Variants in PCDHGC4 observed in about 807,000 individuals in gnomAD.
PCDHGC4 encodes protocadherin gamma subfamily C, 4.
Under a neutral mutation model 59.7 loss-of-function variants are expected in PCDHGC4, and 15 were observed. That is an observed-to-expected ratio of 0.25 (90% confidence interval 0.17 to 0.39). The LOEUF is 0.39. Ranked by LOEUF, PCDHGC4 falls within the 10% of genes least tolerant of loss-of-function variation. PCDHGC4 has a pLI of 1.00. For missense variants in PCDHGC4, 1,016 were observed against 1,189.5 expected, an observed-to-expected ratio of 0.85 and a Z score of 2.15; for synonymous variants, 434 against 481.4, an observed-to-expected ratio of 0.90 and a Z score of 1.29.
chr5:141,489,086 G>A lies in PCDHGC4; in HGVS notation c.2442+1471G>A, dbSNP rs2233599. ...CCCCCCTGCCCACCCCCGCCACTCG[G>A]TGACTAAGAACTGCTGCAAGCAGGC... On this transcript the variant is annotated intron_variant, in intron 1 of 3. Coordinates refer to ENST00000306593, the MANE Select transcript of PCDHGC4 (RefSeq NM_018928.3). The surrounding 1 kb of genome is among the most constrained non-coding windows in gnomAD (Gnocchi z 4.5). 2.2e-3 allele frequency: 754 copies of A among 340,206 alleles called. 5 individuals carry two copies. Among genetic ancestry groups the A allele is most frequent in the African/African-American group, 0.018 (712 of 39,726 alleles). 21.1% of individuals were successfully genotyped at this position (340,206 alleles called of 1,614,324 possible).
intron 2 of PCDHGC4, among the ~76,000 whole-genome samples, chr5:141,503,100 G>A (rs563699751): frequency 6.6e-6 from 1 of 151,592 alleles, no homozygotes; most frequent in South Asian, 2.1e-4. Context: ...TGGTCTGCCC[G>A]CCCCTGCCTC....
chr5:141,511,077 T>C lies in PCDHGC4; in HGVS notation c.2721T>C (p.Asn907=), dbSNP rs1279500774. ...YRQNVYIPGS[N]ATLTNAAGKR... is the part of the protein sequence containing the mutation. ...AGAATGTCTACATCCCAGGCAGCAA[T>C]GCCACACTGACCAACGCAGCTGGCA... is the stretch of plus-strand genomic sequence containing the variant. Residue 907 remains asparagine, a synonymous_variant, in exon 4 of 4, where the codon AAT becomes AAC. Transcript: ENST00000306593. 5 of 1,614,062 alleles carry C rather than the reference T, an allele frequency of 3.1e-6. No individual in the cohort carries two copies. The African/African-American group carries it at 6.7e-5, about 22-fold the overall frequency.
rs1191643556 is a variant in PCDHGC4 at position 141,486,302 on chromosome 5, C to A, written c.1129C>A (p.Pro377Thr). Residue 377 changes from proline (P) to threonine (T), a missense_variant, in exon 1 of 4, where the codon CCA becomes ACA. Transcript: ENST00000306593. The surrounding 1 kb of genome is among the most constrained non-coding windows in gnomAD (Gnocchi z 5.0). ...TVVALISVQD[P>T]DSGSNGDVSL... ...GGTGGCACTTATCAGTGTGCAGGAT[C>A]CAGACTCAGGGTCAAACGGAGATGT... The A allele has an allele frequency of 6.2e-7, 1 of 1,614,036 alleles. No individual in the cohort carries two copies. The highest frequency in any genetic ancestry group is 8.5e-7 in the Non-Finnish European group (1 of 1,179,994).
In PCDHGC4 at chr5:141,487,476, A is replaced by G; in HGVS notation, c.2303A>G (p.His768Arg). ...DPIKFVDVGG[H>R]SHGCTPLASA... is the part of the protein sequence containing the mutation. Reference sequence around the variant, plus strand: ...ATCAAGTTTGTTGATGTGGGAGGCCACTCTCATGGCTGTACACCCTTGGCT... The same window carrying G: ...ATCAAGTTTGTTGATGTGGGAGGCCGCTCTCATGGCTGTACACCCTTGGCT... The change falls in exon 1 of 4, where the codon CAC becomes CGC. Residue 768 changes from histidine to arginine, a missense_variant. By Grantham distance (29) the His-to-Arg change is conservative. Transcript: ENST00000306593. The surrounding 1 kb of genome is among the most constrained non-coding windows in gnomAD (Gnocchi z 5.0). The G allele has an allele frequency of 6.2e-7, 1 of 1,614,004 alleles. No homozygotes were observed. Among genetic ancestry groups the G allele is most frequent in the Non-Finnish European group, 8.5e-7 (1 of 1,180,002 alleles).
chr5:141,497,739 A>G (rs1180122239), intron 2 of PCDHGC4, among the ~76,000 whole-genome samples: 1 of 152,118 alleles, frequency 6.6e-6, no homozygotes, highest in Admixed American at 6.6e-5. Flanking sequence ...GGGTTTCGCC[A>G]CGTTGGCCAG....
chr5:141,496,795 T>C (rs886559302), intron 2 of PCDHGC4, among the ~76,000 whole-genome samples: 27 of 151,976 alleles, frequency 1.8e-4, no homozygotes, highest in Middle Eastern at 3.4e-3. Flanking sequence ...GTGCTAAACA[T>C]TGGGCTATAG....
At position 141,489,577 on chromosome 5, in the gene PCDHGC4, C is replaced by A. The variant is rs918238376; in HGVS notation, c.2442+1962C>A. The stretch of plus-strand genomic sequence containing the variant: ...GCCAGTGCAGGTGGTGACTGAACAC[C>A]CCCTGGAGCTAATCCGTGTAGAGGT... On this transcript the variant is annotated intron_variant, in intron 1 of 3. Coordinates refer to ENST00000306593, the MANE Select transcript of PCDHGC4 (RefSeq NM_018928.3). This position sits in a 1 kb window ranked among gnomAD's most constrained non-coding sequence, Gnocchi z 4.5. The A allele has an allele frequency of 6.2e-7, 1 of 1,613,894 alleles. No individual in the cohort carries two copies. The highest frequency in any genetic ancestry group is 8.5e-7 in the Non-Finnish European group (1 of 1,180,000).
Position 141,491,009 on chromosome 5 carries a change from C to A in PCDHGC4, c.2442+3394C>A. On this transcript the variant is annotated intron_variant, in intron 1 of 3. Transcript: ENST00000306593. This position sits in a 1 kb window ranked among gnomAD's most constrained non-coding sequence, Gnocchi z 6.9. ...TCTGCTCCTCCTGGCTCCTTGGTCA[C>A]CAAGGTGACAGCCGTGGATGCTGAT... 4 of 1,614,140 alleles carry A rather than the reference C, an allele frequency of 2.5e-6. No homozygotes were observed. Among genetic ancestry groups the A allele is most frequent in the Non-Finnish European group, 3.4e-6 (4 of 1,180,038 alleles).
rs1029080327 is a variant in PCDHGC4 at position 141,512,737 on chromosome 5, G to C, written c.*1564G>C. 6.5e-5 allele frequency: 10 copies of C among 152,868 alleles called. No individual in the cohort carries two copies. The highest frequency in any genetic ancestry group is 2.4e-4 in the African/African-American group (10 of 41,472). 9.5% of individuals were successfully genotyped at this position (152,868 alleles called of 1,614,324 possible). On this transcript the variant is annotated 3_prime_UTR_variant, in exon 4 of 4. Transcript: ENST00000306593. Reference sequence around the variant, plus strand: ...ATGGCGGGTGGGCAGCGGGCGGCGGGCTCCGCGCAGCCGTCTGTCCTTGAT... The same window carrying C: ...ATGGCGGGTGGGCAGCGGGCGGCGGCCTCCGCGCAGCCGTCTGTCCTTGAT...
chr5:141,510,633 TACCA>T (rs2099882032), intron 3 of PCDHGC4, among the ~76,000 whole-genome samples: 1 of 152,110 alleles, frequency 6.6e-6, no homozygotes, highest in Admixed American at 6.6e-5. Flanking sequence ...AAGAGGTGGT[TACCA>T]TTATCATCCC....
At chr5:141,504,502 G>A (rs2099838821) in intron 2 of PCDHGC4, among the ~76,000 whole-genome samples, 1 of 152,128 alleles carries the variant, frequency 6.6e-6, no homozygotes, top group Non-Finnish European at 1.5e-5. Context: ...CCCAGTCTGA[G>A]TGGATCTCCT....
At chr5:141,507,931 G>A (rs1442781255) in intron 3 of PCDHGC4, 1 of 152,326 alleles carries the variant, frequency 6.6e-6, no homozygotes, top group African/African-American at 2.4e-5. Context: ...CTGCTGAGAG[G>A]GGTTAAGTAA....
intron 2 of PCDHGC4, among the ~76,000 whole-genome samples, chr5:141,502,048 ACTTTATTCC>A (rs1055762924): frequency 6.6e-5 from 10 of 151,746 alleles, no homozygotes; most frequent in African/African-American, 2.4e-4. Context: ...TGCTCTCCCT[ACTTTATTCC>A]CATTAGCCCC....
In PCDHGC4 at chr5:141,487,934, C is replaced by T; in HGVS notation, c.2442+319C>T. 4.9e-6 allele frequency: 3 copies of T among 607,674 alleles called. No homozygotes were observed. The highest frequency in any genetic ancestry group is 2.1e-5 in the South Asian group (1 of 48,014). 37.6% of individuals were successfully genotyped at this position (607,674 alleles called of 1,614,324 possible). Reference sequence around the variant, plus strand: ...ACAGGAGGCTACAGTGCACAGGGTACAGTGCACCAGGCAGTCACTTGGACA... The same window carrying T: ...ACAGGAGGCTACAGTGCACAGGGTATAGTGCACCAGGCAGTCACTTGGACA... On this transcript the variant is annotated intron_variant, in intron 1 of 3. Transcript: ENST00000306593. This position sits in a 1 kb window ranked among gnomAD's most constrained non-coding sequence, Gnocchi z 5.0.
chr5:141,506,266 T>A (rs1397052417), intron 3 of PCDHGC4, among the ~76,000 whole-genome samples: 1 of 151,862 alleles, frequency 6.6e-6, no homozygotes, highest in Non-Finnish European at 1.5e-5. Context: ...CTGGCCAACA[T>A]AGTGAAACCC....
intron 3 of PCDHGC4, among the ~76,000 whole-genome samples, chr5:141,509,801 T>C (rs556629445): frequency 2.6e-5 from 4 of 152,140 alleles, no homozygotes; most frequent in South Asian, 2.1e-4. Flanking sequence ...CTCAGCTTCA[T>C]AGAGCCGAGC....
At chr5:141,509,334 G>A (rs1184232270) in intron 3 of PCDHGC4, among the ~76,000 whole-genome samples, 1 of 152,186 alleles carries the variant, frequency 6.6e-6, no homozygotes, top group Non-Finnish European at 1.5e-5. Flanking sequence ...ACTGCCAGCT[G>A]GGCCTGGGCT....
At chr5:141,502,300 TTCCTC>T (rs139569110) in intron 2 of PCDHGC4, among the ~76,000 whole-genome samples, 4,853 of 152,256 alleles carry the variant, frequency 0.032, 250 homozygotes, top group African/African-American at 0.11. Flanking sequence ...TGTCACGTCT[TTCCTC>T]TCCTTTAATC....
chr5:141,499,682 C>T, intron 2 of PCDHGC4, among the ~76,000 whole-genome samples: 1 of 148,196 alleles, frequency 6.7e-6, no homozygotes, highest in South Asian at 2.1e-4. Flanking sequence ...CCATCTTTAA[C>T]AGATGACTTT....
Sources: gnomAD v4.1 joint callset for allele counts (sites outside exome capture counted in the v4.1 genomes callset) on GRCh38, gnomAD v4.1.1 for gene constraint, Gnocchi (gnomAD v3.1) non-coding constraint, MANE v1.5 for transcripts, NCBI Gene and HGNC (gene_info 2026-07-23, HGNC 2026-07-21) for gene names.